CBFB: variants seen among roughly 807,000 people sequenced by gnomAD.
The protein encoded by CBFB is CBF-beta.
Under a neutral mutation model 30.4 loss-of-function variants are expected in CBFB, and 9 were observed. The observed-to-expected ratio is 0.30, with a 90% confidence interval of 0.18 to 0.52. The LOEUF (loss-of-function observed/expected upper bound fraction) is 0.52. Ranked by LOEUF, CBFB falls within the 20% of genes least tolerant of loss-of-function variation. The pLI, the probability that CBFB is intolerant of heterozygous loss-of-function variation, is 0.97. For missense variants in CBFB, 170 were observed against 244.0 expected, an observed-to-expected ratio of 0.70 and a Z score of 2.02; for synonymous variants, 94 against 84.0, an observed-to-expected ratio of 1.12 and a Z score of -0.65.
At chr16:67,038,389 T>C (rs778669473) in intron 3 of CBFB, among the ~76,000 whole-genome samples, 2 of 151,866 alleles carry the variant, frequency 1.3e-5, no homozygotes, top group Non-Finnish European at 2.9e-5. Flanking sequence ...TATATACATA[T>C]ATATGTATAT....
At position 67,070,753 on chromosome 16, in the gene CBFB, A is replaced by G. The variant is rs139960386; in HGVS notation, c.399+3955A>G. On this transcript the variant is annotated intron_variant, in intron 4 of 5. Transcript: ENST00000412916. ...GTAGACCCAGCTACTCAGGAAGCTG[A>G]GGTGGGATGATTGCTTGAACCCAGG... is the stretch of plus-strand genomic sequence containing the variant. Among the ~76,000 whole-genome samples, 701 of 152,090 alleles carry G rather than the reference A, an allele frequency of 4.6e-3. 6 individuals carry two copies. The highest frequency in any genetic ancestry group is 0.016 in the African/African-American group (665 of 41,488).
chr16:67,088,818 G>GCCC (rs1257580292), intron 5 of CBFB, among the ~76,000 whole-genome samples: 1 of 152,174 alleles, frequency 6.6e-6, no homozygotes, highest in African/African-American at 2.4e-5. Flanking sequence ...GAGGCCTCCA[G>GCCC]CCCTGCCATG....
At chr16:67,066,951 T>C in intron 4 of CBFB, 153 bp downstream of exon 4, 1 of 481,688 alleles carries the variant, frequency 2.1e-6, no homozygotes, top group Non-Finnish European at 3.8e-6. Flanking sequence ...GATACTCAAA[T>C]TCTGATCCTG....
At chr16:67,060,131 C>A (rs1358057822) in intron 3 of CBFB, among the ~76,000 whole-genome samples, 1 of 152,102 alleles carries the variant, frequency 6.6e-6, no homozygotes, top group African/African-American at 2.4e-5. Context: ...TTGTGTGACA[C>A]CACACCTGGC....
At chr16:67,060,847 G>A (rs184080067) in intron 3 of CBFB, among the ~76,000 whole-genome samples, 10 of 152,248 alleles carry the variant, frequency 6.6e-5, no homozygotes, top group South Asian at 4.1e-4. Context: ...GAGCCACTGC[G>A]CCAGCCAGCT....
chr16:67,100,763 T>C lies in CBFB; in HGVS notation c.*1985T>C, dbSNP rs777104162. The C allele has an allele frequency of 4.6e-6, 1 of 217,244 alleles. No individual in the cohort carries two copies. Among genetic ancestry groups the C allele is most frequent in the Non-Finnish European group, 9.3e-6 (1 of 107,838 alleles). 13.5% of individuals were successfully genotyped at this position (217,244 alleles called of 1,614,324 possible). ...TTACCATCCTAATGTAAATACTGGA[T>C]TTTTCTGTCATTTAGCACCATGCTG... On this transcript the variant is annotated 3_prime_UTR_variant, in exon 6 of 6. Coordinates refer to ENST00000412916, the MANE Select transcript of CBFB (RefSeq NM_022845.3).
At chr16:67,070,631 C>G (rs1213674793) in intron 4 of CBFB, among the ~76,000 whole-genome samples, 1 of 151,860 alleles carries the variant, frequency 6.6e-6, no homozygotes, top group East Asian at 1.9e-4. Flanking sequence ...GGGAGTATTG[C>G]TTGGTCCCAG....
intron 4 of CBFB, among the ~76,000 whole-genome samples, chr16:67,071,069 A>T (rs746081159): frequency 2.3e-4 from 35 of 151,968 alleles, no homozygotes; most frequent in African/African-American, 9.7e-5. Context: ...AGTGTATAGT[A>T]AAAAAAATTC....
At chr16:67,052,140 G>T (rs1424524581) in intron 3 of CBFB, among the ~76,000 whole-genome samples, 4 of 151,982 alleles carry the variant, frequency 2.6e-5, no homozygotes, top group Non-Finnish European at 5.9e-5. Context: ...TCAGCCTCCC[G>T]CAGTGCTGGG....
intron 4 of CBFB, among the ~76,000 whole-genome samples, chr16:67,070,848 C>T (rs1961203216): frequency 1.3e-5 from 2 of 152,040 alleles, no homozygotes; most frequent in South Asian, 4.1e-4. Flanking sequence ...AAGACAAGAC[C>T]CTGTCTCAAA....
intron 5 of CBFB, among the ~76,000 whole-genome samples, chr16:67,086,958 T>C (rs1961748656): frequency 6.6e-6 from 1 of 151,812 alleles, no homozygotes; most frequent in Non-Finnish European, 1.5e-5. Flanking sequence ...CTTAGAGGGA[T>C]TTGAAGGAAG....
intron 4 of CBFB, among the ~76,000 whole-genome samples, chr16:67,070,031 G>A (rs1413616752): frequency 7.9e-5 from 12 of 152,208 alleles, no homozygotes; most frequent in Non-Finnish European, 2.9e-5. Flanking sequence ...TTATTAGCAG[G>A]TATTAATGTC....
At chr16:67,059,359 A>G (rs536687213) in intron 3 of CBFB, among the ~76,000 whole-genome samples, 35 of 152,310 alleles carry the variant, frequency 2.3e-4, no homozygotes, top group Middle Eastern at 3.4e-3. Context: ...CAGGCCCTGT[A>G]TTAGAAGGAT....
At chr16:67,036,779 T>G (rs764717803) in intron 3 of CBFB, 24 bp downstream of exon 3, 2 of 1,286,386 alleles carry the variant, frequency 1.6e-6, no homozygotes, top group Non-Finnish European at 2.3e-6. Flanking sequence ...CTTTGCAATT[T>G]AAAATACTGT....
chr16:67,047,175 A>G (rs1374055992), intron 3 of CBFB, among the ~76,000 whole-genome samples: 2 of 152,042 alleles, frequency 1.3e-5, no homozygotes, highest in Non-Finnish European at 2.9e-5. Flanking sequence ...AGCCAGGCAT[A>G]AGCTGAGATC....
intron 3 of CBFB, among the ~76,000 whole-genome samples, chr16:67,042,329 A>C (rs1209943124): frequency 1.3e-5 from 2 of 151,846 alleles, no homozygotes; most frequent in Non-Finnish European, 2.9e-5. Flanking sequence ...CTAATTTTAA[A>C]TTTTTTTGAA....
rs767017207 is a variant in CBFB, at chr16:67,029,780, C to A, written c.132C>A (p.Phe44Leu). ...DRPHEERQAR[F>L]QNACRDGRSE... ...CCCACGAGGAACGCCAGGCACGCTT[C>A]CAGAACGCCTGCCGCGACGGCCGCT... Residue 44 changes from phenylalanine to leucine, a missense_variant, in exon 2 of 6, where the codon TTC (phenylalanine) becomes TTA (leucine). Transcript: ENST00000412916. 6.3e-7 allele frequency: 1 copy of A among 1,592,766 alleles called. No individual in the cohort carries two copies. Among genetic ancestry groups the A allele is most frequent in the Non-Finnish European group, 8.5e-7 (1 of 1,171,752 alleles).
chr16:67,060,689 G>C (rs1960887443), intron 3 of CBFB, among the ~76,000 whole-genome samples: 1 of 152,146 alleles, frequency 6.6e-6, no homozygotes, highest in South Asian at 2.1e-4. Context: ...CCGAGTAGCT[G>C]GGGTTACAGG....
rs543175529 is a variant in CBFB at position 67,085,454 on chromosome 16, G to A, written c.495+3146G>A. On this transcript the variant is annotated intron_variant, in intron 5 of 5. Coordinates refer to ENST00000412916, the MANE Select transcript of CBFB (RefSeq NM_022845.3). ...CAAAGTGCTGGGATTACAGGAGTGA[G>A]CCACCGTGCCCAGACTTGAAATAAA... is the stretch of plus-strand genomic sequence containing the variant. 6.7e-5 allele frequency among the ~76,000 whole-genome samples: 9 copies of A among 133,568 alleles called. 1 individual carries two copies. In the South Asian group the frequency reaches 2.1e-3, roughly 32 times the overall value. The allele number at this position is 133,568 out of a possible 152,430, so 87.6% of individuals were successfully genotyped here.
Sources: gnomAD v4.1 joint callset for allele counts (sites outside exome capture counted in the v4.1 genomes callset) on GRCh38, gnomAD v4.1.1 for gene constraint, MANE v1.5 for transcripts, NCBI Gene and HGNC (gene_info 2026-07-23, HGNC 2026-07-21) for gene names.